HSD17B12: variants seen among roughly 807,000 people sequenced by gnomAD.
The protein encoded by HSD17B12 is very-long-chain 3-oxoacyl-CoA reductase.
In HSD17B12, 32 loss-of-function variants were observed where a neutral mutation model predicts 39.3. The observed-to-expected ratio is 0.81, with a 90% confidence interval of 0.61 to 1.09. HSD17B12 has a LOEUF of 1.09. HSD17B12 is among the 50% of genes least tolerant of loss of function. HSD17B12 has a pLI of 0.00. For synonymous variants in HSD17B12, 150 were observed against 146.7 expected (o/e 1.02, Z -0.16); for missense variants, 342 against 382.9 (o/e 0.89, Z 0.89).
Position 43,700,327 on chromosome 11 carries a change from G to A in HSD17B12, c.160+19340G>A, listed in dbSNP as rs113363145. Reference sequence around the variant, plus strand: ...ATAATCACATCATGAAGAATGAGGTGTTCATCCCCTCAACCTTTTATCTTT... The same window carrying A: ...ATAATCACATCATGAAGAATGAGGTATTCATCCCCTCAACCTTTTATCTTT... On this transcript the variant is annotated intron_variant, in intron 1 of 10. Coordinates refer to ENST00000278353, the MANE Select transcript of HSD17B12 (RefSeq NM_016142.3). Among the ~76,000 whole-genome samples the A allele has an allele frequency of 4.0e-3, 608 of 152,200 alleles. 4 individuals carry two copies. The highest frequency in any genetic ancestry group is 0.014 in the African/African-American group (583 of 41,508).
At chr11:43,760,646 A>G (rs1203635188) in intron 3 of HSD17B12, among the ~76,000 whole-genome samples, 1 of 152,238 alleles carries the variant, frequency 6.6e-6, no homozygotes, top group Non-Finnish European at 1.5e-5. Context: ...TAGTTAAGAT[A>G]TGAATTTGAC....
At chr11:43,573,902 C>T in the HSD17B12 span, among the ~76,000 whole-genome samples, 1 of 152,226 alleles carries the variant, frequency 6.6e-6, no homozygotes, top group African/African-American at 2.4e-5. Flanking sequence ...CCGGCGTCTC[C>T]TGTCCATCTG....
the HSD17B12 span, among the ~76,000 whole-genome samples, chr11:43,650,717 A>G: frequency 1.6e-4 from 25 of 152,352 alleles, 1 homozygote; most frequent in Admixed American, 1.4e-3. Context: ...GGAGGAATAC[A>G]TAGGTAAAAT....
At chr11:43,724,323 A>G (rs965153782) in intron 1 of HSD17B12, among the ~76,000 whole-genome samples, 1 of 152,046 alleles carries the variant, frequency 6.6e-6, no homozygotes, top group Admixed American at 6.6e-5. Flanking sequence ...CATAAAAAAA[A>G]TAGCTGCCTA....
chr11:43,634,169 T>A, the HSD17B12 span, among the ~76,000 whole-genome samples: 2 of 148,984 alleles, frequency 1.3e-5, no homozygotes, highest in Non-Finnish European at 3.0e-5. Flanking sequence ...AACAGGTAAT[T>A]TGCAGATGAA....
At chr11:43,828,218 C>T (rs1171007689) in intron 6 of HSD17B12, among the ~76,000 whole-genome samples, 3 of 149,308 alleles carry the variant, frequency 2.0e-5, no homozygotes, top group Non-Finnish European at 3.0e-5. Flanking sequence ...TCTCGGCTCA[C>T]TGCAAGCTCT....
chr11:43,849,332 A>G (rs1429306040), intron 9 of HSD17B12, among the ~76,000 whole-genome samples: 1 of 152,026 alleles, frequency 6.6e-6, no homozygotes, highest in Non-Finnish European at 1.5e-5. Flanking sequence ...AAAAAAATCC[A>G]GTTACTTCAC....
At chr11:43,837,198 A>G (rs779446133) in intron 7 of HSD17B12, among the ~76,000 whole-genome samples, 4 of 152,310 alleles carry the variant, frequency 2.6e-5, no homozygotes, top group South Asian at 4.1e-4. Context: ...TATGCCTAAA[A>G]TAACTTAAAT....
intron 9 of HSD17B12, among the ~76,000 whole-genome samples, chr11:43,842,657 G>A (rs1220580862): frequency 1.3e-5 from 2 of 152,144 alleles, no homozygotes; most frequent in Non-Finnish European, 2.9e-5. Context: ...TCCATGAGAA[G>A]GTATTCATGG....
intron 3 of HSD17B12, among the ~76,000 whole-genome samples, chr11:43,786,983 GC>G (rs752829240): frequency 1.3e-5 from 2 of 152,148 alleles, no homozygotes; most frequent in Non-Finnish European, 2.9e-5. Context: ...TTGCTCTGTT[GC>G]CCAGGCTGGA....
intron 3 of HSD17B12, among the ~76,000 whole-genome samples, chr11:43,784,609 GA>G (rs1950798880): frequency 6.6e-6 from 1 of 152,014 alleles, no homozygotes; most frequent in Non-Finnish European, 1.5e-5. Flanking sequence ...CACTTGTGCT[GA>G]AGTTTTCTGA....
At chr11:43,849,987 A>G (rs987595221) in intron 9 of HSD17B12, among the ~76,000 whole-genome samples, 1 of 152,232 alleles carries the variant, frequency 6.6e-6, no homozygotes, top group African/African-American at 2.4e-5. Flanking sequence ...TATTTACAAG[A>G]TTATCAGCCA....
In HSD17B12 at chr11:43,826,035, A is replaced by T. The variant is rs768249436; in HGVS notation, c.502-4941A>T. Among the ~76,000 whole-genome samples the T allele has an allele frequency of 2.6e-4, 39 of 152,240 alleles. No individual in the cohort carries two copies. The South Asian group carries it at 3.7e-3, about 15-fold the overall frequency. On this transcript the variant is annotated intron_variant, in intron 6 of 10. Coordinates refer to ENST00000278353, the MANE Select transcript of HSD17B12 (RefSeq NM_016142.3). ...AACTCTTAGCATACTATAGTATGTG[A>T]AACTTATAAAAACTGTGTATGATTG... is the stretch of plus-strand genomic sequence containing the variant.
the HSD17B12 span, among the ~76,000 whole-genome samples, chr11:43,585,988 A>G: frequency 1.3e-5 from 2 of 152,254 alleles, no homozygotes; most frequent in Non-Finnish European, 2.9e-5. Context: ...ATATTCAGAG[A>G]GAGACCAATC....
At chr11:43,607,821 T>C in the HSD17B12 span, among the ~76,000 whole-genome samples, 2 of 152,198 alleles carry the variant, frequency 1.3e-5, no homozygotes, top group Non-Finnish European at 1.5e-5. Context: ...GGTTAGAAGT[T>C]AGGAGTGACA....
At chr11:43,625,888 A>T in the HSD17B12 span, among the ~76,000 whole-genome samples, 2 of 151,556 alleles carry the variant, frequency 1.3e-5, no homozygotes, top group African/African-American at 4.8e-5. Flanking sequence ...TTTAATATGA[A>T]GTATTTTTAA....
chr11:43,672,755 G>A, the HSD17B12 span, among the ~76,000 whole-genome samples: 2 of 151,812 alleles, frequency 1.3e-5, no homozygotes, highest in East Asian at 2.0e-4. Context: ...TGGCCAGACT[G>A]GTCACAAACT....
chr11:43,837,828 T>C (rs1459424570), intron 7 of HSD17B12: 1 of 156,448 alleles, frequency 6.4e-6, no homozygotes, highest in African/African-American at 2.4e-5. Flanking sequence ...CAGTACCGTG[T>C]GGAATATTTT....
At chr11:43,695,093 G>A (rs751623310) in intron 1 of HSD17B12, among the ~76,000 whole-genome samples, 1 of 152,056 alleles carries the variant, frequency 6.6e-6, no homozygotes, top group Non-Finnish European at 1.5e-5. Flanking sequence ...GGCCGAGGCA[G>A]GAGAATTGCT....
Sources: gnomAD v4.1 joint callset for allele counts (sites outside exome capture counted in the v4.1 genomes callset) on GRCh38, gnomAD v4.1.1 for gene constraint, MANE v1.5 for transcripts, NCBI Gene and HGNC (gene_info 2026-07-23, HGNC 2026-07-21) for gene names.